The following HIVEP1 variants were observed in gnomAD, a reference collection of about 807,000 sequenced individuals.
HIVEP1 encodes zinc finger protein 40.
HIVEP1 carries 36 observed loss-of-function variants against 180.0 expected under a neutral mutation model. The ratio of observed to expected loss-of-function variants is 0.20; its 90% CI spans 0.15 to 0.26. HIVEP1 has a LOEUF of 0.26. HIVEP1 is among the 10% of genes least tolerant of loss of function. The probability of loss-of-function intolerance (pLI) is 1.00; values close to 1 mark genes in which losing one functional copy is unlikely to be tolerated. For missense variants in HIVEP1, 3,143 were observed against 3,268.7 expected (o/e 0.96, Z 0.94); for synonymous variants, 1,239 against 1,239.0 (o/e 1.00, Z 0.00).
chr6:12,170,294 C>T, the HIVEP1 span, among the ~76,000 whole-genome samples: 1 of 150,954 alleles, frequency 6.6e-6, no homozygotes, highest in Non-Finnish European at 1.5e-5. Context: ...GAATTCCTGG[C>T]TGAGTTGATG....
chr6:12,079,933 CATCTATCTATCTATCTATCT>C (rs60204350), intron 2 of HIVEP1, among the ~76,000 whole-genome samples: 4 of 149,252 alleles, frequency 2.7e-5, no homozygotes, highest in South Asian at 2.2e-4. Context: ...TTCCTGATGG[CATCTATCTATCTATCTATCT>C]ATCTATCTAT....
At chr6:12,173,148 C>G in the HIVEP1 span, among the ~76,000 whole-genome samples, 2 of 152,050 alleles carry the variant, frequency 1.3e-5, no homozygotes, top group Non-Finnish European at 2.9e-5. Context: ...CATCATTATT[C>G]AGAAAAATGT....
In HIVEP1 at chr6:12,120,395, G is replaced by A. The variant is rs1581721388; in HGVS notation, c.600G>A (p.Leu200=). The A allele has an allele frequency of 5.0e-6, 8 of 1,614,170 alleles. No individual in the cohort carries two copies. In the East Asian group the frequency reaches 1.8e-4, roughly 36 times the overall value. ...CAAACACTGCATTCGATGTCTTACT[G>A]AAAGCAATGGAGCCAGAACTGAGCA... ...SYTNTAFDVL[L]KAMEPELSTL... is the part of the protein sequence containing the mutation. The change falls in exon 4 of 9, where the codon CTG becomes CTA. Residue 200 remains leucine, a synonymous_variant. Transcript: ENST00000379388.
At chr6:12,206,061 C>T in the HIVEP1 span, among the ~76,000 whole-genome samples, 3,198 of 152,226 alleles carry the variant, frequency 0.021, 98 homozygotes, top group African/African-American at 0.072. Context: ...ATCAAGTTAA[C>T]GAGGTCATTA....
At chr6:12,166,950 CTAGT>C (rs1233496266), downstream of HIVEP1, among the ~76,000 whole-genome samples, 2 of 152,150 alleles carry the variant, frequency 1.3e-5, no homozygotes, top group East Asian at 3.9e-4. Flanking sequence ...GGTCGTTTTT[CTAGT>C]TAAAGATTAT....
the HIVEP1 span, among the ~76,000 whole-genome samples, chr6:12,177,256 A>G: frequency 6.6e-6 from 1 of 152,242 alleles, no homozygotes; most frequent in African/African-American, 2.4e-5. Flanking sequence ...TGTACAACAA[A>G]TCCCTGTGAC....
chr6:12,078,116 G>A (rs1772489708), intron 2 of HIVEP1, among the ~76,000 whole-genome samples: 1 of 152,178 alleles, frequency 6.6e-6, no homozygotes, highest in African/African-American at 2.4e-5. Context: ...GTGACTGTAG[G>A]ATTAATATCT....
chr6:12,129,309 TA>T (rs1343746947), intron 4 of HIVEP1, among the ~76,000 whole-genome samples: 1 of 152,342 alleles, frequency 6.6e-6, no homozygotes, highest in East Asian at 1.9e-4. Context: ...GAAGGAGACT[TA>T]ATGATGTTTC....
chr6:12,127,939 A>G (rs1327362299), intron 4 of HIVEP1, among the ~76,000 whole-genome samples: 1 of 152,198 alleles, frequency 6.6e-6, no homozygotes. Context: ...TTTATCCACA[A>G]CTCAAATGTT....
chr6:12,020,565 G>A, intron 2 of HIVEP1: 1 of 397,890 alleles, frequency 2.5e-6, no homozygotes, highest in South Asian at 1.9e-5. Context: ...GACTTGCAGG[G>A]GGTTCCATGC....
At chr6:12,170,924 G>A in the HIVEP1 span, among the ~76,000 whole-genome samples, 34,105 of 152,064 alleles carry the variant, frequency 0.22, 4,672 homozygotes, top group Non-Finnish European at 0.3. Flanking sequence ...TGCCAAGCTG[G>A]CCACAGTATT....
Position 12,123,886 on chromosome 6 carries a change from G to T in HIVEP1, c.4091G>T (p.Arg1364Met). The change falls in exon 4 of 9, where the codon AGG becomes ATG. Residue 1364 changes from arginine to methionine, a missense_variant. This residue lies in a region of HIVEP1 where 1,357 missense variants were observed against 1,260.5 expected (regional missense o/e 1.08). Coordinates refer to ENST00000379388, the MANE Select transcript of HIVEP1 (RefSeq NM_002114.4). ...GTTCCTGGATGTCACCGGGAAATGA[G>T]GCGTACTGCATCAGAACAGATTAAT... ...LNVPGCHREM[R>M]RTASEQINCT... 1 of 1,614,130 alleles carries T rather than the reference G, an allele frequency of 6.2e-7. No homozygotes were observed. Among genetic ancestry groups the T allele is most frequent in the Non-Finnish European group, 8.5e-7 (1 of 1,180,002 alleles).
chr6:12,035,921 G>A (rs963278293), intron 2 of HIVEP1, among the ~76,000 whole-genome samples: 4 of 152,114 alleles, frequency 2.6e-5, no homozygotes, highest in South Asian at 4.1e-4. Flanking sequence ...TTTCTAATAC[G>A]TAAGAAAAGG....
At chr6:12,133,808 T>C (rs1039888005) in intron 6 of HIVEP1, among the ~76,000 whole-genome samples, 1 of 152,016 alleles carries the variant, frequency 6.6e-6, no homozygotes, top group African/African-American at 2.4e-5. Context: ...TGAAACCCCG[T>C]CTTAACTAAA....
intron 2 of HIVEP1, among the ~76,000 whole-genome samples, chr6:12,073,695 T>C (rs1278554109): frequency 6.6e-6 from 1 of 152,214 alleles, no homozygotes; most frequent in African/African-American, 2.4e-5. Flanking sequence ...TTTATTGTTA[T>C]TAGAAGGAGG....
At chr6:12,191,453 G>T in the HIVEP1 span, among the ~76,000 whole-genome samples, 1 of 152,156 alleles carries the variant, frequency 6.6e-6, no homozygotes, top group Non-Finnish European at 1.5e-5. Flanking sequence ...AATTAGCCAG[G>T]TGTCGTGGTG....
intron 2 of HIVEP1, 113 bp downstream of exon 2, chr6:12,015,781 G>A (rs1173201926): frequency 2.4e-6 from 2 of 825,102 alleles, no homozygotes; most frequent in Non-Finnish European, 4.0e-6. Flanking sequence ...GGTGAGGAGC[G>A]CTATTTCTCT....
intron 3 of HIVEP1, among the ~76,000 whole-genome samples, chr6:12,095,186 CTTTT>C (rs1182215381): frequency 6.6e-6 from 1 of 151,894 alleles, no homozygotes; most frequent in East Asian, 1.9e-4. Flanking sequence ...GTTTTACTTT[CTTTT>C]TATTTTGCCA....
intron 3 of HIVEP1, among the ~76,000 whole-genome samples, chr6:12,114,109 T>G (rs1048778189): frequency 1.3e-5 from 2 of 152,190 alleles, no homozygotes; most frequent in African/African-American, 4.8e-5. Context: ...TCTGACGTCT[T>G]GTCTTTCTCT....
Sources: gnomAD v4.1 joint callset for allele counts (sites outside exome capture counted in the v4.1 genomes callset) on GRCh38, gnomAD v4.1.1 for gene constraint, gnomAD v4.1.1 regional missense constraint, MANE v1.5 for transcripts, NCBI Gene and HGNC (gene_info 2026-07-23, HGNC 2026-07-21) for gene names.